Variants in CNTN5 observed in about 807,000 individuals in gnomAD.
CNTN5 encodes the protein contactin-5.
CNTN5 carries 77 observed loss-of-function variants against 129.1 expected under a neutral mutation model. That is an observed-to-expected ratio of 0.60 (90% CI 0.50 to 0.72). The LOEUF (loss-of-function observed/expected upper bound fraction) is 0.72. Ranked by LOEUF, CNTN5 falls within the 30% of genes least tolerant of loss-of-function variation. The pLI, the probability that CNTN5 is intolerant of heterozygous loss-of-function variation, is 0.00. For synonymous variants in CNTN5, 509 were observed against 465.6 expected (o/e 1.09, Z -1.20); for missense variants, 1,478 against 1,328.8 (o/e 1.11, Z -1.75).
chr11:99,297,330 A>C (rs1031546846), intron 1 of CNTN5, among the ~76,000 whole-genome samples: 3 of 152,178 alleles, frequency 2.0e-5, no homozygotes, highest in African/African-American at 7.2e-5. Flanking sequence ...CTTTCCCAGC[A>C]GTCCCATCAT....
chr11:99,199,433 A>G (rs905373348), intron 1 of CNTN5, among the ~76,000 whole-genome samples: 2 of 152,222 alleles, frequency 1.3e-5, no homozygotes, highest in African/African-American at 4.8e-5. Context: ...TACTGTTGCA[A>G]TAACACAATA....
At chr11:99,917,578 C>G (rs1342976255) in intron 7 of CNTN5, among the ~76,000 whole-genome samples, 2 of 152,056 alleles carry the variant, frequency 1.3e-5, no homozygotes, top group Non-Finnish European at 2.9e-5. Flanking sequence ...TAGAGGATGA[C>G]TGATCCATCA....
chr11:99,487,794 T>G (rs1449749158), intron 2 of CNTN5, among the ~76,000 whole-genome samples: 1 of 152,168 alleles, frequency 6.6e-6, no homozygotes, highest in Non-Finnish European at 1.5e-5. Flanking sequence ...CAGCTCCTTA[T>G]AACAAAATAT....
At position 99,427,610 on chromosome 11, in the gene CNTN5, C is replaced by CA. The variant is rs535041967; in HGVS notation, c.-71+102132dup. On this transcript the variant is annotated intron_variant, in intron 2 of 24. Transcript: ENST00000524871. ...TAAAACCCTGTCTCTACTAAAAATACAAAAAATTAGCTGGGCATGGTGGCA... is the reference window on the plus strand; with the variant it reads ...TAAAACCCTGTCTCTACTAAAAATACAAAAAAATTAGCTGGGCATGGTGGCA... Among the ~76,000 whole-genome samples the CA allele has an allele frequency of 4.2e-3, 630 of 151,278 alleles. 5 individuals are homozygous for CA. The highest frequency in any genetic ancestry group is 0.014 in the African/African-American group (593 of 41,268).
chr11:99,953,998 A>G (rs74218358), intron 7 of CNTN5, among the ~76,000 whole-genome samples: 1 of 152,012 alleles, frequency 6.6e-6, no homozygotes, highest in Non-Finnish European at 1.5e-5. Context: ...TCTTTAATCC[A>G]TCTTGAGTTA....
rs775466035 is a variant in CNTN5 at position 99,819,671 on chromosome 11, A to T, written c.183A>T (p.Thr61=). The T allele has an allele frequency of 3.7e-6, 6 of 1,612,974 alleles. No individual in the cohort carries two copies. In the East Asian group the frequency reaches 1.1e-4, roughly 30 times the overall value. The stretch of plus-strand genomic sequence containing the variant: ...GATACAGCAGCCCTTCATTAGGAAC[A>T]CTGAGTGCTTCTTCACCCAGCTGGC... ...RPRYSSPSLG[T]LSASSPSWLG... is the part of the protein sequence containing the mutation. The change falls in exon 4 of 25, where the codon ACA becomes ACT. Residue 61 remains threonine, a synonymous_variant. Transcript: ENST00000524871.
At position 99,593,914 on chromosome 11, in the gene CNTN5, C is replaced by G. The variant is rs1275976660; in HGVS notation, c.55+37645C>G. On this transcript the variant is annotated intron_variant, in intron 3 of 24. Transcript: ENST00000524871. Reference sequence around the variant, plus strand: ...TCAATCACTGGAATGTGCCAATTATCTTAATATATGCCTTTGTCAGAGGTC... The same window carrying G: ...TCAATCACTGGAATGTGCCAATTATGTTAATATATGCCTTTGTCAGAGGTC... 8.5e-5 allele frequency among the ~76,000 whole-genome samples: 13 copies of G among 152,260 alleles called. 1 individual carries two copies. The highest frequency in any genetic ancestry group is 2.6e-4 in the African/African-American group (11 of 41,550).
chr11:100,350,651 T>C, intron 23 of CNTN5, 51 bp from the exon 24 acceptor site: 1 of 1,382,946 alleles, frequency 7.2e-7, no homozygotes, highest in South Asian at 1.3e-5. Flanking sequence ...GCAGTCAATG[T>C]GCATTTGTAA....
At chr11:99,773,866 C>G (rs1430703802) in intron 3 of CNTN5, among the ~76,000 whole-genome samples, 1 of 152,080 alleles carries the variant, frequency 6.6e-6, no homozygotes, top group African/African-American at 2.4e-5. Flanking sequence ...GGACCTTACA[C>G]CACTGCTCTT....
rs551391542 is a variant in CNTN5, at chr11:99,526,618, C to G, written c.-70-29527C>G. On this transcript the variant is annotated intron_variant, in intron 2 of 24. Transcript: ENST00000524871. ...GTAGCAAATTGTGTCAAGTCACGAT[C>G]AATTCTTTGAGGTGTAATGATATTT... Among the ~76,000 whole-genome samples the G allele has an allele frequency of 1.4e-3, 219 of 152,188 alleles. 2 individuals are homozygous for G. Among genetic ancestry groups the G allele is most frequent in the African/African-American group, 4.6e-3 (191 of 41,530 alleles).
intron 2 of CNTN5, among the ~76,000 whole-genome samples, chr11:99,437,696 G>A (rs996845009): frequency 2.6e-5 from 4 of 152,088 alleles, no homozygotes; most frequent in African/African-American, 9.7e-5. Flanking sequence ...GGTGGCATGC[G>A]CCTGTAATCC....
intron 1 of CNTN5, among the ~76,000 whole-genome samples, chr11:99,071,179 A>C (rs925935615): frequency 2.0e-5 from 3 of 152,160 alleles, no homozygotes; most frequent in African/African-American, 7.2e-5. Flanking sequence ...ACTGAGGCTC[A>C]AAGAACATAA....
intron 3 of CNTN5, among the ~76,000 whole-genome samples, chr11:99,709,944 G>A (rs905572477): frequency 1.3e-5 from 2 of 151,810 alleles, no homozygotes; most frequent in Non-Finnish European, 2.9e-5. Flanking sequence ...TTATATCAGT[G>A]ATTAAAGTAC....
Position 99,579,950 on chromosome 11 carries a change from T to A in CNTN5, c.55+23681T>A, listed in dbSNP as rs1321949313. On this transcript the variant is annotated intron_variant, in intron 3 of 24. Coordinates refer to ENST00000524871, the MANE Select transcript of CNTN5 (RefSeq NM_014361.4). ...GCTTCCAGTTTTTGCCCATTCAGTA[T>A]GATATTGGCTGTGGGTTTGTCATAG... Among the ~76,000 whole-genome samples, 73 of 151,160 alleles carry A rather than the reference T, an allele frequency of 4.8e-4. 1 individual carries two copies. Among genetic ancestry groups the A allele is most frequent in the South Asian group, 1.3e-3 (6 of 4,730 alleles).
intron 16 of CNTN5, among the ~76,000 whole-genome samples, chr11:100,251,570 A>G (rs142218281): frequency 3.3e-5 from 5 of 151,692 alleles, no homozygotes; most frequent in African/African-American, 9.7e-5. Flanking sequence ...TCCCTATGCT[A>G]TTCTCCCCCT....
intron 4 of CNTN5, among the ~76,000 whole-genome samples, chr11:99,820,684 A>G (rs1417959180): frequency 1.3e-5 from 2 of 151,020 alleles, no homozygotes; most frequent in African/African-American, 4.9e-5. Flanking sequence ...AGATATTGTT[A>G]CTGCCTTCTA....
chr11:100,220,367 A>C (rs1237684913), intron 15 of CNTN5, among the ~76,000 whole-genome samples: 4 of 151,614 alleles, frequency 2.6e-5, no homozygotes, highest in Non-Finnish European at 5.9e-5. Context: ...CAGTAACATT[A>C]AACTTATCTA....
intron 15 of CNTN5, among the ~76,000 whole-genome samples, chr11:100,197,230 A>AAGTC (rs542985692): frequency 1.3e-5 from 2 of 151,954 alleles, no homozygotes; most frequent in Non-Finnish European, 2.9e-5. Context: ...AGTAGACAAT[A>AAGTC]AGTCACTGTT....
At chr11:99,154,112 C>T (rs1860214825) in intron 1 of CNTN5, among the ~76,000 whole-genome samples, 1 of 152,158 alleles carries the variant, frequency 6.6e-6, no homozygotes, top group Admixed American at 6.5e-5. Flanking sequence ...GCAGGATGAT[C>T]TGTGCTTGCT....
Sources: gnomAD v4.1 joint callset for allele counts (sites outside exome capture counted in the v4.1 genomes callset) on GRCh38, gnomAD v4.1.1 for gene constraint, MANE v1.5 for transcripts, NCBI Gene and HGNC (gene_info 2026-07-23, HGNC 2026-07-21) for gene names.